ORC5: variants seen among roughly 807,000 people sequenced by gnomAD.
The protein encoded by ORC5 is origin recognition complex subunit 5.
Under a neutral mutation model 58.8 loss-of-function variants are expected in ORC5, and 39 were observed. That is an observed-to-expected ratio of 0.66 (90% CI 0.51 to 0.87). The LOEUF (loss-of-function observed/expected upper bound fraction) is 0.87, where lower values mean the gene tolerates loss of function less well. Ranked by LOEUF, ORC5 falls within the 40% of genes least tolerant of loss-of-function variation. The probability of loss-of-function intolerance (pLI) is 0.00; values close to 1 mark genes in which losing one functional copy is unlikely to be tolerated. For missense variants in ORC5, 493 were observed against 506.3 expected (o/e 0.97, Z 0.25); for synonymous variants, 218 against 177.6 (o/e 1.23, Z -1.81).
chr7:104,195,344 C>A, intron 4 of ORC5, 90 bp from the exon 5 acceptor site: 1 of 629,398 alleles, frequency 1.6e-6, no homozygotes, highest in Non-Finnish European at 2.7e-6. Flanking sequence ...CAAATACATC[C>A]CCCCAGAGTT....
chr7:104,175,755 T>A (rs1438350070), intron 8 of ORC5, among the ~76,000 whole-genome samples: 2 of 151,936 alleles, frequency 1.3e-5, no homozygotes, highest in Non-Finnish European at 2.9e-5. Context: ...AAAACCACCC[T>A]GCTAAAACGC....
chr7:104,143,064 T>C (rs1798700125), intron 12 of ORC5, among the ~76,000 whole-genome samples: 1 of 152,232 alleles, frequency 6.6e-6, no homozygotes, highest in African/African-American at 2.4e-5. Context: ...TCTATTTTTC[T>C]GTAAGGGATT....
intron 5 of ORC5, among the ~76,000 whole-genome samples, chr7:104,193,326 G>C (rs971254693): frequency 1.3e-5 from 2 of 151,958 alleles, no homozygotes; most frequent in Non-Finnish European, 2.9e-5. Context: ...TTCTTAGGTA[G>C]GAAACTGTAA....
chr7:104,181,625 A>T (rs1799432606), intron 8 of ORC5, among the ~76,000 whole-genome samples: 1 of 151,908 alleles, frequency 6.6e-6, no homozygotes, highest in Non-Finnish European at 1.5e-5. Context: ...CTCTACTAAA[A>T]ATACGAAAAA....
At chr7:104,165,200 T>A in intron 11 of ORC5, 35 bp downstream of exon 11, 3 of 1,050,648 alleles carry the variant, frequency 2.9e-6, no homozygotes, top group Non-Finnish European at 4.3e-6. Flanking sequence ...CTTCATTTCC[T>A]AAGTTTCTTC....
chr7:104,159,705 T>C (rs555925051), intron 12 of ORC5, among the ~76,000 whole-genome samples: 2 of 152,214 alleles, frequency 1.3e-5, no homozygotes, highest in South Asian at 4.1e-4. Flanking sequence ...GCACTGTCTG[T>C]CTCACTTCCC....
rs1798598037 is a variant in ORC5, at chr7:104,136,931, A to G, written c.1150-38T>C. ...ATTTTTATAAGAAACTGTTTTAATA[A>G]GATTATGTAATACTTTTGTTTCTGA... On this transcript the variant is annotated intron_variant, in intron 12 of 13. Transcript: ENST00000297431. This position sits in a 1 kb window ranked among gnomAD's most constrained non-coding sequence, Gnocchi z 4.2. 1.5e-6 allele frequency: 2 copies of G among 1,352,118 alleles called. No individual in the cohort carries two copies. Among genetic ancestry groups the G allele is most frequent in the Non-Finnish European group, 2.1e-6 (2 of 942,790 alleles). 83.8% of individuals were successfully genotyped at this position (1,352,118 alleles called of 1,614,324 possible). A position where few individuals can be genotyped will look rare whatever the true frequency, so the allele number is the denominator to read the frequency against.
At chr7:104,170,016 C>G (rs1367114106) in intron 8 of ORC5, among the ~76,000 whole-genome samples, 1 of 152,172 alleles carries the variant, frequency 6.6e-6, no homozygotes, top group Non-Finnish European at 1.5e-5. Context: ...GTAGTGTTCT[C>G]TGAGTTCTTC....
At chr7:104,192,491 T>C (rs1799697795) in intron 5 of ORC5, among the ~76,000 whole-genome samples, 1 of 152,052 alleles carries the variant, frequency 6.6e-6, no homozygotes, top group Non-Finnish European at 1.5e-5. Flanking sequence ...AAATTAGCCC[T>C]GGAATAATGG....
chr7:104,182,042 T>C (rs1041076106), intron 8 of ORC5, among the ~76,000 whole-genome samples: 9 of 152,178 alleles, frequency 5.9e-5, no homozygotes, highest in Middle Eastern at 3.2e-3. Flanking sequence ...TGCATTGTAT[T>C]TGAGTTTTAA....
chr7:104,207,685 C>T, intron 1 of ORC5, 148 bp downstream of exon 1: 3 of 663,006 alleles, frequency 4.5e-6, no homozygotes, highest in Non-Finnish European at 8.1e-6. Context: ...GTGGGTGAAG[C>T]TGCAGTACAG....
At chr7:104,173,975 G>C (rs1367529475) in intron 8 of ORC5, among the ~76,000 whole-genome samples, 1 of 149,334 alleles carries the variant, frequency 6.7e-6, no homozygotes, top group Non-Finnish European at 1.5e-5. Context: ...CTCCCAAGTA[G>C]CTGGGACTAC....
intron 12 of ORC5, among the ~76,000 whole-genome samples, chr7:104,148,660 C>T (rs1032073469): frequency 6.6e-6 from 1 of 152,092 alleles, no homozygotes; most frequent in African/African-American, 2.4e-5. Context: ...ATTGATTTAA[C>T]CTAATGACAG....
At chr7:104,187,610 T>G (rs1027816345) in intron 6 of ORC5, 1 of 282,486 alleles carries the variant, frequency 3.5e-6, no homozygotes. Flanking sequence ...CAGAAATTCT[T>G]GTCTCTTTCC....
At chr7:104,167,762 T>C (rs543225977) in intron 9 of ORC5, among the ~76,000 whole-genome samples, 27 of 152,274 alleles carry the variant, frequency 1.8e-4, no homozygotes, top group African/African-American at 5.8e-4. Context: ...AAGTGAAAAA[T>C]TGAGCTGGGT....
Position 104,136,558 on chromosome 7 carries a change from G to C in ORC5, c.1262+223C>G, listed in dbSNP as rs929193450. On this transcript the variant is annotated intron_variant, in intron 13 of 13. Coordinates refer to ENST00000297431, the MANE Select transcript of ORC5 (RefSeq NM_002553.4). The surrounding 1 kb of genome is among the most constrained non-coding windows in gnomAD (Gnocchi z 4.2). ...GGATCATTTATTCCAGCCTATTAAG[G>C]TTTTTCAGAATCTTGATTTTTGTCC... Among the ~76,000 whole-genome samples, 6 of 152,028 alleles carry C rather than the reference G, an allele frequency of 3.9e-5. No homozygotes were observed. The highest frequency in any genetic ancestry group is 2.9e-5 in the Non-Finnish European group (2 of 68,012).
chr7:104,169,484 C>T (rs756080648), intron 8 of ORC5, among the ~76,000 whole-genome samples: 3 of 151,808 alleles, frequency 2.0e-5, no homozygotes, highest in Admixed American at 6.6e-5. Context: ...GTTTTAGCTG[C>T]ATGACTTCGA....
chr7:104,150,333 C>T (rs1798823975), intron 12 of ORC5, among the ~76,000 whole-genome samples: 1 of 152,052 alleles, frequency 6.6e-6, no homozygotes, highest in Non-Finnish European at 1.5e-5. Flanking sequence ...ATGAACTTAA[C>T]AAATGAAATT....
At position 104,207,813 on chromosome 7, in the gene ORC5, A is replaced by C. The variant is rs1422468136; in HGVS notation, c.72+20T>G. ...GAAACGTCTGCCTCCAGGATCTGGA[A>C]GACAGTTTAACTACAATACCTCTCC... On this transcript the variant is annotated intron_variant, in intron 1 of 13. Transcript: ENST00000297431. 2 of 1,601,598 alleles carry C rather than the reference A, an allele frequency of 1.2e-6. No homozygotes were observed. Among genetic ancestry groups the C allele is most frequent in the Admixed American group, 3.3e-5 (2 of 60,018 alleles).
Sources: gnomAD v4.1 joint callset for allele counts (sites outside exome capture counted in the v4.1 genomes callset) on GRCh38, gnomAD v4.1.1 for gene constraint, Gnocchi (gnomAD v3.1) non-coding constraint, MANE v1.5 for transcripts, NCBI Gene and HGNC (gene_info 2026-07-23, HGNC 2026-07-21) for gene names.